Variants in NQO1 observed in about 807,000 individuals in gnomAD.
NQO1 encodes the protein NAD(P)H dehydrogenase [quinone] 1.
In NQO1, 30 loss-of-function variants were observed where a neutral mutation model predicts 32.1. The ratio of observed to expected loss-of-function variants is 0.94; its 90% CI spans 0.70 to 1.27. The LOEUF (loss-of-function observed/expected upper bound fraction) is 1.27, where lower values mean the gene tolerates loss of function less well. NQO1 is among the 50% of genes most tolerant of loss of function. The pLI, the probability that NQO1 is intolerant of heterozygous loss-of-function variation, is 0.00. For missense variants in NQO1, 276 were observed against 331.3 expected, an observed-to-expected ratio of 0.83 and a Z score of 1.30; for synonymous variants, 109 against 119.7, an observed-to-expected ratio of 0.91 and a Z score of 0.59.
At chr16:69,715,788 T>G (rs751264552) in intron 3 of NQO1, among the ~76,000 whole-genome samples, 67 of 152,040 alleles carry the variant, frequency 4.4e-4, no homozygotes, top group Non-Finnish European at 5.3e-4. Context: ...GTAGGCCTTC[T>G]TCATTTTATG....
intron 1 of NQO1, among the ~76,000 whole-genome samples, chr16:69,725,992 G>T (rs2038256571): frequency 6.6e-6 from 1 of 152,216 alleles, no homozygotes; most frequent in Non-Finnish European, 1.5e-5. Context: ...CCAATCGCCA[G>T]ATATTCTCAT....
At position 69,726,505 on chromosome 16, in the gene NQO1, A is replaced by C; in HGVS notation, c.-66T>G. 1.9e-6 allele frequency: 3 copies of C among 1,587,756 alleles called. No individual in the cohort carries two copies. In the South Asian group the frequency reaches 3.3e-5, roughly 18 times the overall value. On this transcript the variant is annotated 5_prime_UTR_variant, in exon 1 of 6. Coordinates refer to ENST00000320623, the MANE Select transcript of NQO1 (RefSeq NM_000903.3). The stretch of plus-strand genomic sequence containing the variant: ...GGTTGCCGGGGCGACCCTGGCCGGA[A>C]CTAGGCTCTCGGTGAGCTGGGCGGC...
rs2151741876 is a variant in NQO1 at position 69,711,239 on chromosome 16, G to A, written c.562C>T (p.Gln188Ter). 1.2e-6 allele frequency: 2 copies of A among 1,612,134 alleles called. No individual in the cohort carries two copies. The highest frequency in any genetic ancestry group is 1.7e-6 in the Non-Finnish European group (2 of 1,178,302). ...HFCGFQVLEP[Q>*]LTYSIGHTPA... ...GTGTGCCCAATGCTATATGTCAGTTGAGGTTCTAAGACTTGGAAGCCACAG... is the reference window on the plus strand; with the variant it reads ...GTGTGCCCAATGCTATATGTCAGTTAAGGTTCTAAGACTTGGAAGCCACAG... Residue 188 changes from glutamine (Q) to a stop codon, truncating the protein, a stop_gained, in exon 6 of 6, where the codon CAA becomes TAA. Transcript: ENST00000320623. LOFTEE classifies it high-confidence loss of function.
intron 1 of NQO1, 52 bp from the exon 2 acceptor site, chr16:69,718,586 A>T: frequency 3.8e-6 from 6 of 1,584,938 alleles, no homozygotes; most frequent in Non-Finnish European, 4.3e-6. Context: ...CAACCAGCAA[A>T]CCTTCAGCTA....
At chr16:69,716,183 A>ATC (rs1555537911) in intron 3 of NQO1, among the ~76,000 whole-genome samples, 157 of 117,942 alleles carry the variant, frequency 1.3e-3, no homozygotes, top group African/African-American at 1.7e-3. Flanking sequence ...TAATAATAAT[A>ATC]ATAATAATAA....
intron 1 of NQO1, among the ~76,000 whole-genome samples, chr16:69,723,064 A>T (rs1348640059): frequency 6.6e-6 from 1 of 152,102 alleles, no homozygotes; most frequent in East Asian, 1.9e-4. Context: ...AGTAGCTGGG[A>T]TTACAGGCGC....
rs201267571 is a variant in NQO1 at position 69,718,422 on chromosome 16, C to T, written c.120G>A (p.Ser40=). 2.5e-5 allele frequency: 40 copies of T among 1,614,154 alleles called. No individual in the cohort carries two copies. Among genetic ancestry groups the T allele is most frequent in the Non-Finnish European group, 3.0e-5 (35 of 1,180,036 alleles). Residue 40 remains serine (S), a synonymous_variant, in exon 2 of 6, where the codon TCG becomes TCA. Coordinates refer to ENST00000320623, the MANE Select transcript of NQO1 (RefSeq NM_000903.3). ...LKKKGWEVVE[S]DLYAMNFNPI... Reference sequence around the variant, plus strand: ...GATTGAAGTTCATGGCATAGAGGTCCGACTCCACCACCTCCCATCCTTTCT... The same window carrying T: ...GATTGAAGTTCATGGCATAGAGGTCTGACTCCACCACCTCCCATCCTTTCT...
intron 5 of NQO1, 91 bp downstream of exon 5, chr16:69,712,937 G>A: frequency 8.4e-6 from 9 of 1,069,654 alleles, no homozygotes; most frequent in Non-Finnish European, 1.3e-5. Flanking sequence ...AGCTTGTAGT[G>A]AACTAAGATG....
intron 4 of NQO1, among the ~76,000 whole-genome samples, chr16:69,714,614 TCA>T (rs1306939712): frequency 6.6e-6 from 1 of 150,962 alleles, no homozygotes; most frequent in Non-Finnish European, 1.5e-5. Context: ...GCACAGTGGC[TCA>T]CACCGGTAAT....
In NQO1 at chr16:69,710,858, C is replaced by T. The variant is rs890551316; in HGVS notation, c.*118G>A. 9.1e-7 allele frequency: 1 copy of T among 1,097,384 alleles called. No homozygotes were observed. The highest frequency in any genetic ancestry group is 1.6e-5 in the African/African-American group (1 of 63,158). The allele number at this position is 1,097,384 out of a possible 1,614,324, so 68.0% of individuals were successfully genotyped here. A position where few individuals can be genotyped will look rare whatever the true frequency, so the allele number is the denominator to read the frequency against. On this transcript the variant is annotated 3_prime_UTR_variant, in exon 6 of 6. Coordinates refer to ENST00000320623, the MANE Select transcript of NQO1 (RefSeq NM_000903.3). ...TGCACGAATACAGTCGATTCCCTCT[C>T]ATTTATTCCTTGTGGAAAAAGAAAA...
rs1597607492 is a variant in NQO1, at chr16:69,726,556, C to T, written c.-117G>A. 9 of 1,377,428 alleles carry T rather than the reference C, an allele frequency of 6.5e-6. No individual in the cohort carries two copies. Among genetic ancestry groups the T allele is most frequent in the South Asian group, 4.9e-5 (4 of 80,980 alleles). The allele number at this position is 1,377,428 out of a possible 1,614,324, so 85.3% of individuals were successfully genotyped here. On this transcript the variant is annotated 5_prime_UTR_variant, in exon 1 of 6. Coordinates refer to ENST00000320623, the MANE Select transcript of NQO1 (RefSeq NM_000903.3). ...TCCGGCTGCAACCTTGTGGGAGTCG[C>T]GTGTGTAGTGCACGGTGCATTCTCT... is the stretch of plus-strand genomic sequence containing the variant.
chr16:69,717,482 C>T (rs2965753), intron 3 of NQO1, among the ~76,000 whole-genome samples: 131,783 of 152,124 alleles, frequency 0.87, 57,272 homozygotes, highest in Admixed American at 0.92. Flanking sequence ...AATCGCTAAC[C>T]GCAGGATTCG....
intron 1 of NQO1, among the ~76,000 whole-genome samples, chr16:69,721,153 A>G (rs1356872271): frequency 6.6e-6 from 1 of 151,300 alleles, no homozygotes; most frequent in Non-Finnish European, 1.5e-5. Context: ...AGCCTCCTAC[A>G]ATGTTGGGAT....
At chr16:69,724,766 C>T (rs1362794774) in intron 1 of NQO1, among the ~76,000 whole-genome samples, 1 of 152,156 alleles carries the variant, frequency 6.6e-6, no homozygotes, top group African/African-American at 2.4e-5. Context: ...CTCCTTCTGC[C>T]TTCTCTTCTC....
chr16:69,713,602 G>T (rs1416754168), intron 4 of NQO1, among the ~76,000 whole-genome samples: 3 of 152,118 alleles, frequency 2.0e-5, no homozygotes, highest in African/African-American at 7.2e-5. Context: ...AGAAAATAGT[G>T]CTGCATCTAT....
intron 3 of NQO1, 137 bp from the exon 4 acceptor site, chr16:69,715,214 A>T: frequency 1.5e-6 from 1 of 654,270 alleles, no homozygotes; most frequent in Non-Finnish European, 2.7e-6. Context: ...CCTCCTGGGG[A>T]GTTAGCACTT....
chr16:69,716,279 GA>G (rs1205089504), intron 3 of NQO1, among the ~76,000 whole-genome samples: 1 of 151,818 alleles, frequency 6.6e-6, no homozygotes, highest in East Asian at 1.9e-4. Context: ...TGGATCACTT[GA>G]GGTCAGGAAT....
chr16:69,723,017 T>C (rs1409073675), intron 1 of NQO1, among the ~76,000 whole-genome samples: 1 of 152,172 alleles, frequency 6.6e-6, no homozygotes, highest in Non-Finnish European at 1.5e-5. Flanking sequence ...AAGCTCCGCC[T>C]CCCAGGTTCA....
chr16:69,714,036 C>T (rs527242951), intron 4 of NQO1, among the ~76,000 whole-genome samples: 8 of 151,984 alleles, frequency 5.3e-5, no homozygotes, highest in South Asian at 2.1e-4. Context: ...CCACCGCACC[C>T]GGCTAAGTTT....
Sources: allele counts gnomAD v4.1 joint callset (sites outside exome capture counted in the v4.1 genomes callset), GRCh38; gene constraint gnomAD v4.1.1; transcripts MANE v1.5; gene names NCBI Gene and HGNC (gene_info 2026-07-23, HGNC 2026-07-21).